TAF4B: variants seen among roughly 807,000 people sequenced by gnomAD.
The protein encoded by TAF4B is transcription initiation factor TFIID subunit 4B.
Under a neutral mutation model 86.4 loss-of-function variants are expected in TAF4B, and 38 were observed. The ratio of observed to expected loss-of-function variants is 0.44; its 90% confidence interval spans 0.34 to 0.58. The LOEUF (loss-of-function observed/expected upper bound fraction) is 0.58, where lower values mean the gene tolerates loss of function less well. Among genes scored for constraint, TAF4B ranks in the 20% least tolerant of loss-of-function variants. TAF4B has a pLI of 0.02. For missense variants in TAF4B, 988 were observed against 1,027.6 expected (o/e 0.96, Z 0.53); for synonymous variants, 388 against 391.2 (o/e 0.99, Z 0.10).
intron 7 of TAF4B, among the ~76,000 whole-genome samples, chr18:26,290,812 G>C (rs146356617): frequency 5.1e-4 from 77 of 152,280 alleles, no homozygotes; most frequent in African/African-American, 1.5e-3. Context: ...CATCAAGGAG[G>C]ACAGTGCATA....
chr18:26,242,789 A>C (rs558693124), intron 1 of TAF4B, among the ~76,000 whole-genome samples: 28 of 152,334 alleles, frequency 1.8e-4, no homozygotes, highest in African/African-American at 6.7e-4. Flanking sequence ...GGTGGTGACA[A>C]AATCTCTCAG....
intron 14 of TAF4B, among the ~76,000 whole-genome samples, chr18:26,377,490 A>C (rs1288577409): frequency 6.6e-6 from 1 of 152,126 alleles, no homozygotes; most frequent in Non-Finnish European, 1.5e-5. Flanking sequence ...AAGCCTAGCA[A>C]ACCTTGTCAT....
chr18:26,305,299 G>A (rs2056782553), intron 9 of TAF4B, among the ~76,000 whole-genome samples: 1 of 152,210 alleles, frequency 6.6e-6, no homozygotes, highest in South Asian at 2.1e-4. Context: ...GCAATAGTTA[G>A]TAAAGAGTTC....
At position 26,333,523 on chromosome 18, in the gene TAF4B, G is replaced by A. The variant is rs760976484; in HGVS notation, c.2260-1652G>A. On this transcript the variant is annotated intron_variant, in intron 12 of 14. Transcript: ENST00000269142. ...ACCCACCTCAGCTTGCTGAGTAGCT[G>A]GGACTATAGGCACGTGTCACTATGC... Among the ~76,000 whole-genome samples, 34 of 152,250 alleles carry A rather than the reference G, an allele frequency of 2.2e-4. 1 individual carries two copies. The highest frequency in any genetic ancestry group is 3.4e-3 in the Middle Eastern group (1 of 294).
intron 11 of TAF4B, among the ~76,000 whole-genome samples, chr18:26,322,265 A>G (rs2056968934): frequency 6.6e-6 from 1 of 152,102 alleles, no homozygotes; most frequent in South Asian, 2.1e-4. Context: ...GAGGAATCAT[A>G]TTATTTTATT....
chr18:26,315,155 T>TCACACACA lies in TAF4B; in HGVS notation c.1833-73_1833-72insACACACAC, dbSNP rs1484111730. Reference sequence around the variant, plus strand: ...CTCTCTCTCTCTCTCTGTCTCTCTCTCTCTCTCACACACACACACACACAC... The same window carrying TCACACACA: ...CTCTCTCTCTCTCTCTGTCTCTCTCTCACACACACTCTCTCACACACACACACACACAC... On this transcript the variant is annotated intron_variant, in intron 9 of 14. Coordinates refer to ENST00000269142, the MANE Select transcript of TAF4B (RefSeq NM_005640.3). 77 of 465,836 alleles carry TCACACACA rather than the reference T, an allele frequency of 1.7e-4. 2 individuals carry two copies. Among genetic ancestry groups the TCACACACA allele is most frequent in the East Asian group, 1.5e-3 (29 of 19,690 alleles). 28.9% of individuals were successfully genotyped at this position (465,836 alleles called of 1,614,324 possible).
At chr18:26,336,169 T>A (rs150449233) in intron 13 of TAF4B, among the ~76,000 whole-genome samples, 109 of 152,316 alleles carry the variant, frequency 7.2e-4, no homozygotes, top group African/African-American at 2.1e-3. Flanking sequence ...AGACGTGTGA[T>A]ATGGAGCTGA....
chr18:26,281,780 A>G (rs2056452620), intron 5 of TAF4B, among the ~76,000 whole-genome samples, 191 bp from the exon 6 acceptor site: 1 of 152,156 alleles, frequency 6.6e-6, no homozygotes, highest in Non-Finnish European at 1.5e-5. Flanking sequence ...CCTTCATTGT[A>G]TTCTCTATGA....
chr18:26,344,595 A>G (rs1230256663), intron 13 of TAF4B, among the ~76,000 whole-genome samples: 1 of 152,262 alleles, frequency 6.6e-6, no homozygotes, highest in African/African-American at 2.4e-5. Flanking sequence ...ACCAAAGGGA[A>G]GCTGAACTTC....
intron 9 of TAF4B, among the ~76,000 whole-genome samples, chr18:26,296,119 GT>G (rs2056659218): frequency 6.6e-6 from 1 of 150,444 alleles, no homozygotes; most frequent in African/African-American, 2.5e-5. Context: ...TTTTTCCCTT[GT>G]TTTTCCACCT....
At chr18:26,298,396 TTTTG>T (rs2056690427) in intron 9 of TAF4B, among the ~76,000 whole-genome samples, 1 of 151,596 alleles carries the variant, frequency 6.6e-6, no homozygotes, top group Non-Finnish European at 1.5e-5. Context: ...ACTCTGCTAA[TTTTG>T]TTTTTGTATT....
chr18:26,358,761 A>G (rs751875282), intron 14 of TAF4B, among the ~76,000 whole-genome samples: 1 of 152,208 alleles, frequency 6.6e-6, no homozygotes, highest in African/African-American at 2.4e-5. Context: ...TTTAGGAGCA[A>G]TCATTAGGGC....
intron 1 of TAF4B, among the ~76,000 whole-genome samples, chr18:26,232,267 G>C (rs1260816442): frequency 6.6e-6 from 1 of 152,040 alleles, no homozygotes; most frequent in African/African-American, 2.4e-5. Context: ...GTTGGGAATT[G>C]GGTGATGACC....
intron 9 of TAF4B, among the ~76,000 whole-genome samples, chr18:26,300,093 T>C (rs2056712510): frequency 6.6e-6 from 1 of 152,064 alleles, no homozygotes; most frequent in African/African-American, 2.4e-5. Context: ...GCCATCTTCC[T>C]AGCTCAGCCT....
intron 9 of TAF4B, among the ~76,000 whole-genome samples, chr18:26,308,891 A>G (rs1024899130): frequency 5.7e-4 from 87 of 151,540 alleles, no homozygotes; most frequent in African/African-American, 2.0e-3. Context: ...AAAAAAAAAA[A>G]AAAAAAAAGA....
At chr18:26,323,818 G>C (rs528178900) in intron 11 of TAF4B, among the ~76,000 whole-genome samples, 1 of 152,092 alleles carries the variant, frequency 6.6e-6, no homozygotes, top group Non-Finnish European at 1.5e-5. Context: ...TATTGGTATG[G>C]TTTCAACTAA....
intron 14 of TAF4B, among the ~76,000 whole-genome samples, chr18:26,367,023 C>G (rs936739038): frequency 1.3e-5 from 2 of 151,938 alleles, no homozygotes; most frequent in Non-Finnish European, 2.9e-5. Context: ...GTAGAAGAAC[C>G]CAAGTACATG....
At chr18:26,272,725 C>T (rs1341845413) in intron 3 of TAF4B, among the ~76,000 whole-genome samples, 1 of 151,946 alleles carries the variant, frequency 6.6e-6, no homozygotes, top group African/African-American at 2.4e-5. Context: ...GAGTTAATGA[C>T]TGATTATAAG....
At chr18:26,317,139 C>G (rs546882627) in intron 10 of TAF4B, among the ~76,000 whole-genome samples, 98 of 151,562 alleles carry the variant, frequency 6.5e-4, no homozygotes, top group Non-Finnish European at 9.9e-4. Flanking sequence ...AAGCGATTCT[C>G]CTGCCTCAAC....
Sources: gnomAD v4.1 joint callset for allele counts (sites outside exome capture counted in the v4.1 genomes callset) on GRCh38, gnomAD v4.1.1 for gene constraint, MANE v1.5 for transcripts, NCBI Gene and HGNC (gene_info 2026-07-23, HGNC 2026-07-21) for gene names.